STK39: variants seen among roughly 807,000 people sequenced by gnomAD.
STK39 encodes STE20/SPS1-related proline-alanine-rich protein kinase.
Under a neutral mutation model 77.8 loss-of-function variants are expected in STK39, and 20 were observed. The ratio of observed to expected loss-of-function variants is 0.26; its 90% CI spans 0.18 to 0.37. The LOEUF (loss-of-function observed/expected upper bound fraction) is 0.37. Ranked by LOEUF, STK39 falls within the 10% of genes least tolerant of loss-of-function variation. The pLI is 1.00. For synonymous variants in STK39, 246 were observed against 234.1 expected (o/e 1.05, Z -0.47); for missense variants, 479 against 656.5 (o/e 0.73, Z 2.95).
chr2:168,203,130 G>A (rs1689653715), intron 1 of STK39, among the ~76,000 whole-genome samples: 1 of 152,062 alleles, frequency 6.6e-6, no homozygotes, highest in African/African-American at 2.4e-5. Context: ...ATCTCCCCAG[G>A]CGCAGTAACC....
intron 10 of STK39, among the ~76,000 whole-genome samples, chr2:168,105,822 T>A (rs1398401552): frequency 6.6e-6 from 1 of 152,224 alleles, no homozygotes; most frequent in Non-Finnish European, 1.5e-5. Flanking sequence ...TGAAGGGCTA[T>A]ATTTATTCCA....
intron 16 of STK39, among the ~76,000 whole-genome samples, chr2:167,988,932 G>A (rs570176947): frequency 3.9e-4 from 59 of 152,304 alleles, no homozygotes; most frequent in Non-Finnish European, 7.6e-4. Flanking sequence ...ATCAGTGACT[G>A]AGAGCTTCAA....
chr2:167,965,829 A>G (rs1158360766), intron 16 of STK39, among the ~76,000 whole-genome samples: 1 of 152,220 alleles, frequency 6.6e-6, no homozygotes, highest in Non-Finnish European at 1.5e-5. Flanking sequence ...AAGTAGAAAA[A>G]TTTAAGTAGA....
chr2:168,196,023 GA>G (rs1689461057), intron 1 of STK39, among the ~76,000 whole-genome samples: 3 of 152,200 alleles, frequency 2.0e-5, no homozygotes, highest in Non-Finnish European at 4.4e-5. Context: ...ATTTCAAAAG[GA>G]AAAGAAAGGA....
intron 14 of STK39, among the ~76,000 whole-genome samples, chr2:168,020,321 GT>G: frequency 6.6e-6 from 1 of 152,232 alleles, no homozygotes; most frequent in Non-Finnish European, 1.5e-5. Flanking sequence ...TTGCTTCACA[GT>G]TTTGTAAACC....
intron 10 of STK39, among the ~76,000 whole-genome samples, chr2:168,106,881 T>G (rs1009444912): frequency 6.6e-6 from 1 of 152,226 alleles, no homozygotes; most frequent in Non-Finnish European, 1.5e-5. Flanking sequence ...ATGTATGTAT[T>G]ATGTGTATAT....
chr2:168,170,081 C>T (rs1688786886), intron 2 of STK39, among the ~76,000 whole-genome samples: 1 of 152,150 alleles, frequency 6.6e-6, no homozygotes. Context: ...TGAGATATGA[C>T]CTATGCTATC....
intron 16 of STK39, among the ~76,000 whole-genome samples, chr2:168,004,257 C>T (rs1684067837): frequency 6.6e-6 from 1 of 152,190 alleles, no homozygotes; most frequent in Non-Finnish European, 1.5e-5. Flanking sequence ...GTGGCATCTA[C>T]ACCATTCATA....
intron 16 of STK39, among the ~76,000 whole-genome samples, chr2:167,965,035 C>T (rs1254222745): frequency 6.6e-6 from 1 of 152,080 alleles, no homozygotes; most frequent in Non-Finnish European, 1.5e-5. Context: ...CCCAGTGTTT[C>T]CGCCACTTGG....
chr2:167,954,818 T>C lies in STK39; in HGVS notation c.*678A>G, dbSNP rs1022210880. On this transcript the variant is annotated 3_prime_UTR_variant, in exon 18 of 18. Coordinates refer to ENST00000355999, the MANE Select transcript of STK39 (RefSeq NM_013233.3). ...TTCCTAATTCAGTCATTTCAAAATT[T>C]AGAAGTTACAAATACTCCAAAGACA... 5 of 152,630 alleles carry C rather than the reference T, an allele frequency of 3.3e-5. No homozygotes were observed. The allele number at this position is 152,630 out of a possible 1,614,324, so 9.5% of individuals were successfully genotyped here.
intron 1 of STK39, among the ~76,000 whole-genome samples, chr2:168,214,484 G>C (rs769012472): frequency 6.6e-6 from 1 of 152,030 alleles, no homozygotes; most frequent in Non-Finnish European, 1.5e-5. Context: ...GGGGCTGGGA[G>C]AAGGGAAAAT....
Position 167,964,713 on chromosome 2 carries a change from T to C in STK39, c.1512A>G (p.Leu504=). 1 of 1,611,268 alleles carries C rather than the reference T, an allele frequency of 6.2e-7. No homozygotes were observed. Among genetic ancestry groups the C allele is most frequent in the Non-Finnish European group, 8.5e-7 (1 of 1,178,896 alleles). ...GHDVVIVAAN[L]QKIVDDPKAL... is the part of the protein sequence containing the mutation. The stretch of plus-strand genomic sequence containing the variant: ...CTTTGGGATCATCTACAATCTTCTG[T>C]AAATTAGCAGCCACTGTAAAATATA... The change falls in exon 17 of 18, where the codon TTA becomes TTG. Residue 504 remains leucine (L), a synonymous_variant. Coordinates refer to ENST00000355999, the MANE Select transcript of STK39 (RefSeq NM_013233.3).
intron 8 of STK39, among the ~76,000 whole-genome samples, chr2:168,136,742 A>C (rs778456603): frequency 1.3e-5 from 2 of 152,226 alleles, no homozygotes; most frequent in Non-Finnish European, 2.9e-5. Flanking sequence ...AAGATAAGCA[A>C]ATGTTGGAAA....
chr2:168,045,207 C>T (rs551886272), intron 14 of STK39, among the ~76,000 whole-genome samples: 80 of 152,252 alleles, frequency 5.3e-4, no homozygotes, highest in Non-Finnish European at 9.6e-4. Context: ...TAAACCTGTG[C>T]CTTGGTACAT....
chr2:168,160,214 C>A (rs545165827), intron 5 of STK39, among the ~76,000 whole-genome samples: 1 of 152,286 alleles, frequency 6.6e-6, no homozygotes, highest in East Asian at 1.9e-4. Flanking sequence ...TATTTTGACC[C>A]TTTTAGTGAG....
intron 10 of STK39, among the ~76,000 whole-genome samples, chr2:168,128,312 C>T (rs1392231075): frequency 6.6e-6 from 1 of 152,220 alleles, no homozygotes; most frequent in Non-Finnish European, 1.5e-5. Context: ...GACTCCAACA[C>T]TCCTGGGAAT....
At chr2:167,994,983 G>A (rs1683795900) in intron 16 of STK39, among the ~76,000 whole-genome samples, 1 of 151,500 alleles carries the variant, frequency 6.6e-6, no homozygotes, top group East Asian at 1.9e-4. Flanking sequence ...TGATGGGAGA[G>A]GTATTAAGCA....
At chr2:168,194,017 G>GT (rs1352934731) in intron 1 of STK39, among the ~76,000 whole-genome samples, 1 of 152,210 alleles carries the variant, frequency 6.6e-6, no homozygotes, top group Non-Finnish European at 1.5e-5. Flanking sequence ...GGGACAAGAG[G>GT]TGCCAGCCTG....
At chr2:168,125,199 A>G (rs7579102) in intron 10 of STK39, among the ~76,000 whole-genome samples, 15,537 of 152,048 alleles carry the variant, frequency 0.1, 1,359 homozygotes, top group African/African-American at 0.21. Flanking sequence ...AAAGGATATA[A>G]TAAGAACTGA....
Sources: allele counts gnomAD v4.1 joint callset (sites outside exome capture counted in the v4.1 genomes callset), GRCh38; gene constraint gnomAD v4.1.1; transcripts MANE v1.5; gene names NCBI Gene and HGNC (gene_info 2026-07-23, HGNC 2026-07-21).